LYRM4: variants seen among roughly 807,000 people sequenced by gnomAD.
LYRM4 encodes LYR motif containing 4, also known as LYR motif-containing protein 4.
LYRM4 carries 9 observed loss-of-function variants against 11.7 expected under a neutral mutation model. The ratio of observed to expected loss-of-function variants is 0.77; its 90% CI spans 0.46 to 1.34. The LOEUF is 1.34. Among genes scored for constraint, LYRM4 ranks in the 40% most tolerant of loss-of-function variants. LYRM4 has a pLI of 0.00. For synonymous variants in LYRM4, 42 were observed against 40.4 expected (o/e 1.04, Z -0.15); for missense variants, 133 against 112.5 (o/e 1.18, Z -0.82).
chr6:5,101,141 C>T (rs915937842), downstream of LYRM4, among the ~76,000 whole-genome samples: 2 of 152,228 alleles, frequency 1.3e-5, no homozygotes, highest in African/African-American at 2.4e-5. Flanking sequence ...CCCCACACCC[C>T]TTATCCTAGC....
intron 2 of LYRM4, among the ~76,000 whole-genome samples, chr6:5,185,602 C>A (rs1367390605): frequency 6.6e-6 from 1 of 152,066 alleles, no homozygotes; most frequent in East Asian, 1.9e-4. Flanking sequence ...CTGAGCAACC[C>A]CACAGTCCAG....
intron 2 of LYRM4, among the ~76,000 whole-genome samples, chr6:5,186,098 A>C (rs1403125500): frequency 2.6e-5 from 4 of 152,174 alleles, no homozygotes; most frequent in African/African-American, 9.7e-5. Context: ...TACTGCTTGG[A>C]TGCCAGGGGG....
At chr6:5,207,025 G>A (rs1761738408) in intron 2 of LYRM4, among the ~76,000 whole-genome samples, 1 of 152,180 alleles carries the variant, frequency 6.6e-6, no homozygotes, top group African/African-American at 2.4e-5. Context: ...GAAACACTGA[G>A]TGATGACATG....
At chr6:5,167,537 T>C (rs908162219) in intron 2 of LYRM4, among the ~76,000 whole-genome samples, 8 of 152,380 alleles carry the variant, frequency 5.3e-5, no homozygotes, top group South Asian at 4.1e-4. Flanking sequence ...TTTATATCCA[T>C]AATAGCACTT....
chr6:5,127,153 T>C (rs1353993984), intron 2 of LYRM4, among the ~76,000 whole-genome samples: 1 of 152,212 alleles, frequency 6.6e-6, no homozygotes, highest in Non-Finnish European at 1.5e-5. Flanking sequence ...TTTCACCATG[T>C]TGGCCAGGCT....
chr6:5,117,322 C>T (rs1472610949), intron 2 of LYRM4, among the ~76,000 whole-genome samples: 1 of 152,138 alleles, frequency 6.6e-6, no homozygotes, highest in African/African-American at 2.4e-5. Context: ...TTTAAGAGCC[C>T]GAGGTGGGTG....
intron 2 of LYRM4, among the ~76,000 whole-genome samples, chr6:5,158,847 A>G (rs1306698679): frequency 3.3e-5 from 5 of 152,198 alleles, no homozygotes; most frequent in Non-Finnish European, 5.9e-5. Context: ...CCAGGCTGGA[A>G]GAGGGTCAAA....
chr6:5,179,065 C>CAAAACAAAAACAAAA (rs1561851701), intron 2 of LYRM4, among the ~76,000 whole-genome samples: 9 of 103,886 alleles, frequency 8.7e-5, no homozygotes, highest in East Asian at 2.5e-4. Flanking sequence ...ACCAAAAAAA[C>CAAAACAAAAACAAAA]AAAAAAAAAA....
the LYRM4 span, among the ~76,000 whole-genome samples, chr6:5,062,937 C>A: frequency 6.6e-6 from 1 of 152,172 alleles, no homozygotes. Flanking sequence ...GGCAAGGGCC[C>A]TTGGAAGGAC....
intron 2 of LYRM4, among the ~76,000 whole-genome samples, chr6:5,204,355 A>T (rs1761568153): frequency 6.6e-6 from 1 of 152,150 alleles, no homozygotes; most frequent in Non-Finnish European, 1.5e-5. Context: ...CCACTTCCTC[A>T]AGTAAAGGAG....
rs777902440 is a variant in LYRM4, at chr6:5,124,928, C to T, written c.208-15437G>A. 4.7e-4 allele frequency among the ~76,000 whole-genome samples: 72 copies of T among 152,174 alleles called. 1 individual carries two copies. The highest frequency in any genetic ancestry group is 1.6e-3 in the African/African-American group (67 of 41,428). On this transcript the variant is annotated intron_variant, in intron 2 of 2. Coordinates refer to ENST00000330636, the MANE Select transcript of LYRM4 (RefSeq NM_020408.6). Reference sequence around the variant, plus strand: ...GTTGTGAGTATACTTTGTGTGGTTTCGGTGTTTGTCTCTGACATGAGACTG... The same window carrying T: ...GTTGTGAGTATACTTTGTGTGGTTTTGGTGTTTGTCTCTGACATGAGACTG...
At chr6:5,062,964 A>G in the LYRM4 span, among the ~76,000 whole-genome samples, 140 of 152,238 alleles carry the variant, frequency 9.2e-4, 1 homozygote, top group African/African-American at 3.2e-3. Flanking sequence ...GCCGCTGACT[A>G]TCCTGTGGTC....
intron 2 of LYRM4, among the ~76,000 whole-genome samples, chr6:5,154,425 C>G (rs1758266482): frequency 7.2e-6 from 1 of 137,984 alleles, no homozygotes. Context: ...CAAAGGGCAT[C>G]ACGTGCTGGA....
At chr6:5,054,952 A>G in the LYRM4 span, among the ~76,000 whole-genome samples, 1 of 152,212 alleles carries the variant, frequency 6.6e-6, no homozygotes, top group East Asian at 1.9e-4. Context: ...TTTGCTTTCT[A>G]TAGAGAATCT....
intron 1 of LYRM4, among the ~76,000 whole-genome samples, chr6:5,233,628 G>C (rs778415327): frequency 6.6e-6 from 1 of 152,148 alleles, no homozygotes; most frequent in African/African-American, 2.4e-5. Flanking sequence ...ATCCTAAGAA[G>C]TGCCTCAGAT....
intron 2 of LYRM4, among the ~76,000 whole-genome samples, chr6:5,196,185 C>A (rs1407146648): frequency 6.6e-6 from 1 of 152,210 alleles, no homozygotes; most frequent in Non-Finnish European, 1.5e-5. Context: ...AGTGGACTCC[C>A]TCTGCCTTTC....
chr6:5,058,959 C>A, the LYRM4 span, among the ~76,000 whole-genome samples: 1 of 152,266 alleles, frequency 6.6e-6, no homozygotes, highest in African/African-American at 2.4e-5. Context: ...GAAAAGCATA[C>A]ACAATGAAAA....
At position 5,109,246 on chromosome 6, in the gene LYRM4, A is replaced by G; in HGVS notation, c.*177T>C. On this transcript the variant is annotated 3_prime_UTR_variant, in exon 3 of 3. Transcript: ENST00000330636. Reference sequence around the variant, plus strand: ...TCTAACACTTGAACCAAGGAAAGACAGCAGTCCTTTTTCACTAAGCCTGCA... The same window carrying G: ...TCTAACACTTGAACCAAGGAAAGACGGCAGTCCTTTTTCACTAAGCCTGCA... The G allele has an allele frequency of 3.4e-6, 5 of 1,464,250 alleles. No individual in the cohort carries two copies. Among genetic ancestry groups the G allele is most frequent in the Non-Finnish European group, 4.5e-6 (5 of 1,107,678 alleles). 90.7% of individuals were successfully genotyped at this position (1,464,250 alleles called of 1,614,324 possible).
chr6:5,086,798 G>A, the LYRM4 span: 1 of 552,992 alleles, frequency 1.8e-6, no homozygotes, highest in East Asian at 3.1e-5. Context: ...CTTCTCGTCC[G>A]TTTGACCTTC....
Sources: allele counts gnomAD v4.1 joint callset (sites outside exome capture counted in the v4.1 genomes callset), GRCh38; gene constraint gnomAD v4.1.1; transcripts MANE v1.5; gene names NCBI Gene and HGNC (gene_info 2026-07-23, HGNC 2026-07-21).